The following SYBU variants were observed in gnomAD, a reference collection of about 807,000 sequenced individuals.
SYBU encodes the protein syntabulin.
SYBU carries 21 observed loss-of-function variants against 35.9 expected under a neutral mutation model. The ratio of observed to expected loss-of-function variants is 0.58; its 90% CI spans 0.41 to 0.84. SYBU has a LOEUF of 0.84. Among genes scored for constraint, SYBU ranks in the 40% least tolerant of loss-of-function variants. SYBU has a pLI of 0.00. For missense variants in SYBU, 768 were observed against 848.2 expected, an observed-to-expected ratio of 0.91 and a Z score of 1.17; for synonymous variants, 319 against 324.3, an observed-to-expected ratio of 0.98 and a Z score of 0.18.
At chr8:109,685,592 C>T (rs1159893168), upstream of SYBU, among the ~76,000 whole-genome samples, 3 of 152,116 alleles carry the variant, frequency 2.0e-5, no homozygotes, top group Non-Finnish European at 4.4e-5. Context: ...ATTTTTTATG[C>T]AAATGCAGTA....
At chr8:109,604,131 G>A (rs978382034) in intron 3 of SYBU, among the ~76,000 whole-genome samples, 3 of 152,010 alleles carry the variant, frequency 2.0e-5, no homozygotes, top group Admixed American at 6.6e-5. Context: ...TTCCTAGACA[G>A]GTTCACATTC....
chr8:109,645,486 C>T, upstream of SYBU: 1 of 367,612 alleles, frequency 2.7e-6, no homozygotes, highest in Non-Finnish European at 5.4e-6. Context: ...CCTGCAGCTG[C>T]CCGGCTCCAG....
chr8:109,624,400 G>T lies in SYBU; in HGVS notation c.230-5361C>A, dbSNP rs926802105. Among the ~76,000 whole-genome samples, 5 of 152,320 alleles carry T rather than the reference G, an allele frequency of 3.3e-5. No individual in the cohort carries two copies. In the East Asian group the frequency reaches 9.6e-4, roughly 29 times the overall value. ...TGAAATCCCTCATTGTTATTGGAAA[G>T]TTTGTCCTTACAAAAGCATTCTGGT... On this transcript the variant is annotated intron_variant, in intron 2 of 6. Coordinates refer to ENST00000276646, the MANE Select transcript of SYBU (RefSeq NM_001099754.2).
chr8:109,632,345 G>T (rs914315582), intron 2 of SYBU, among the ~76,000 whole-genome samples: 1 of 152,166 alleles, frequency 6.6e-6, no homozygotes, highest in African/African-American at 2.4e-5. Context: ...CCAGCCCCAA[G>T]AAGCTAGTTC....
upstream of SYBU, among the ~76,000 whole-genome samples, chr8:109,683,033 GA>G (rs1817436987): frequency 1.3e-5 from 2 of 152,236 alleles, no homozygotes; most frequent in South Asian, 4.1e-4. Context: ...AGGATGTATG[GA>G]ATCACCTGGA....
At chr8:109,600,032 T>C (rs1825340526) in intron 3 of SYBU, among the ~76,000 whole-genome samples, 1 of 152,212 alleles carries the variant, frequency 6.6e-6, no homozygotes, top group Non-Finnish European at 1.5e-5. Context: ...GGAAGGGGAT[T>C]AGGTGGCCCT....
chr8:109,652,842 T>C (rs954625279), intron 1 of SYBU, among the ~76,000 whole-genome samples: 47 of 152,228 alleles, frequency 3.1e-4, no homozygotes, highest in African/African-American at 1.1e-3. Context: ...CAAACTCCTT[T>C]CTTCTGTTTA....
chr8:109,655,580 C>G (rs1460400842), intron 1 of SYBU, among the ~76,000 whole-genome samples: 1 of 152,134 alleles, frequency 6.6e-6, no homozygotes, highest in Non-Finnish European at 1.5e-5. Context: ...GGACTCATTT[C>G]TCTTGAGTGA....
At chr8:109,643,908 G>A (rs1029183971) in intron 1 of SYBU, among the ~76,000 whole-genome samples, 6 of 152,174 alleles carry the variant, frequency 3.9e-5, no homozygotes, top group African/African-American at 1.4e-4. Context: ...CCACCACCCT[G>A]CCTTATGAAA....
intron 3 of SYBU, among the ~76,000 whole-genome samples, chr8:109,606,529 G>A (rs1185669076): frequency 6.6e-6 from 1 of 152,102 alleles, no homozygotes. Flanking sequence ...CTGAGAAAGG[G>A]ATATGGGGCT....
chr8:109,656,620 C>T (rs968444395), intron 1 of SYBU, among the ~76,000 whole-genome samples: 6 of 152,190 alleles, frequency 3.9e-5, no homozygotes, highest in African/African-American at 1.4e-4. Flanking sequence ...TACGCTTTTA[C>T]TAATTGTAAA....
intron 2 of SYBU, among the ~76,000 whole-genome samples, chr8:109,635,317 A>C (rs573326397): frequency 6.6e-6 from 1 of 152,300 alleles, no homozygotes; most frequent in South Asian, 2.1e-4. Context: ...TTTCCTTTGG[A>C]AGTGGAGACA....
At chr8:109,617,068 G>C (rs1477209632) in intron 3 of SYBU, among the ~76,000 whole-genome samples, 2 of 152,104 alleles carry the variant, frequency 1.3e-5, no homozygotes, top group Non-Finnish European at 2.9e-5. Flanking sequence ...CCTTGGAGGT[G>C]GAGGTTGCAG....
chr8:109,602,995 T>A (rs531307672), intron 3 of SYBU, among the ~76,000 whole-genome samples: 47 of 152,354 alleles, frequency 3.1e-4, no homozygotes, highest in Admixed American at 1.6e-3. Flanking sequence ...GATCAGGTGA[T>A]GTGGTCACAG....
At chr8:109,603,343 T>C (rs1396292414) in intron 3 of SYBU, 3 of 949,056 alleles carry the variant, frequency 3.2e-6, no homozygotes, top group African/African-American at 1.8e-5. Context: ...TTAAAATGAA[T>C]GAAGCATACT....
chr8:109,645,669 T>G (rs868632803), upstream of SYBU: 1 of 288,742 alleles, frequency 3.5e-6, no homozygotes, highest in South Asian at 3.5e-5. Context: ...AAACGGCATC[T>G]CGTTCTGTGG....
chr8:109,647,004 C>T (rs1355051034), upstream of SYBU: 1 of 152,228 alleles, frequency 6.6e-6, no homozygotes, highest in Non-Finnish European at 1.5e-5. Context: ...TTATTCCTTT[C>T]TCTCCGATCA....
chr8:109,614,917 CCTGCTGCGTGTG>C (rs1324778775), intron 3 of SYBU, among the ~76,000 whole-genome samples: 3 of 152,252 alleles, frequency 2.0e-5, no homozygotes, highest in African/African-American at 7.2e-5. Flanking sequence ...GAAGGGCTTT[CCTGCTGCGTGTG>C]CTGCCGGGCC....
intron 1 of SYBU, among the ~76,000 whole-genome samples, chr8:109,688,023 A>T (rs1292551521): frequency 6.6e-6 from 1 of 152,172 alleles, no homozygotes; most frequent in Non-Finnish European, 1.5e-5. Flanking sequence ...TCTCCTCATC[A>T]TCAGGTCCTG....
Sources: gnomAD v4.1 joint callset for allele counts (sites outside exome capture counted in the v4.1 genomes callset) on GRCh38, gnomAD v4.1.1 for gene constraint, MANE v1.5 for transcripts, NCBI Gene and HGNC (gene_info 2026-07-23, HGNC 2026-07-21) for gene names.